The following SLC6A7 variants were observed in gnomAD, a reference collection of about 807,000 sequenced individuals.
SLC6A7 encodes the protein sodium-dependent proline transporter.
SLC6A7 carries 58 observed loss-of-function variants against 73.1 expected under a neutral mutation model. The observed-to-expected ratio is 0.79, with a 90% CI of 0.64 to 0.99. The LOEUF (loss-of-function observed/expected upper bound fraction) is 0.99, where lower values mean the gene tolerates loss of function less well. Among genes scored for constraint, SLC6A7 ranks in the 50% least tolerant of loss-of-function variants. SLC6A7 has a pLI of 0.00. For synonymous variants in SLC6A7, 338 were observed against 338.7 expected (o/e 1.00, Z 0.02); for missense variants, 783 against 831.4 (o/e 0.94, Z 0.72).
chr5:150,198,665 C>T (rs1369546856), intron 4 of SLC6A7, among the ~76,000 whole-genome samples: 1 of 152,080 alleles, frequency 6.6e-6, no homozygotes, highest in African/African-American at 2.4e-5. Context: ...ATGGAAGCCA[C>T]AGCAAAAAGT....
intron 4 of SLC6A7, among the ~76,000 whole-genome samples, chr5:150,198,113 A>AAGAG (rs756905936): frequency 1.9e-4 from 11 of 56,502 alleles, no homozygotes; most frequent in East Asian, 1.1e-3. Flanking sequence ...GAAAGAAAGA[A>AAGAG]AGAGAAAGAA....
At chr5:150,192,141 A>G (rs1752817805) in intron 1 of SLC6A7, among the ~76,000 whole-genome samples, 2 of 152,156 alleles carry the variant, frequency 1.3e-5, no homozygotes, top group South Asian at 4.2e-4. Context: ...AAGGAGCAGC[A>G]TTGCTCAGAG....
chr5:150,199,623 G>A (rs900572462), intron 5 of SLC6A7, among the ~76,000 whole-genome samples: 1 of 152,220 alleles, frequency 6.6e-6, no homozygotes, highest in African/African-American at 2.4e-5. Context: ...CTGACCCAGT[G>A]CTTGGCACTT....
chr5:150,196,266 C>A (rs1445988609), intron 2 of SLC6A7, among the ~76,000 whole-genome samples: 1 of 152,180 alleles, frequency 6.6e-6, no homozygotes, highest in Non-Finnish European at 1.5e-5. Context: ...AAAGAAGTGA[C>A]TGCCAATGTG....
chr5:150,204,088 GCCT>G, intron 10 of SLC6A7, 50 bp downstream of exon 10: 1 of 1,563,810 alleles, frequency 6.4e-7, no homozygotes. Flanking sequence ...AAGGGCAGAC[GCCT>G]GCAACGAGAT....
At position 150,209,741 on chromosome 5, in the gene SLC6A7, A is replaced by G; in HGVS notation, c.*126A>G. The G allele has an allele frequency of 1.3e-6, 1 of 776,448 alleles. No homozygotes were observed. The highest frequency in any genetic ancestry group is 2.7e-5 in the East Asian group (1 of 37,364). 48.1% of individuals were successfully genotyped at this position (776,448 alleles called of 1,614,324 possible). ...TGGGGGGGCCTGCCATAGGGATGCCAGTCCCCCAGTGGGGGTCCCTTCTGC... is the reference window on the plus strand; with the variant it reads ...TGGGGGGGCCTGCCATAGGGATGCCGGTCCCCCAGTGGGGGTCCCTTCTGC... On this transcript the variant is annotated 3_prime_UTR_variant, in exon 14 of 14. Coordinates refer to ENST00000230671, the MANE Select transcript of SLC6A7 (RefSeq NM_014228.5).
intron 2 of SLC6A7, 181 bp downstream of exon 2, chr5:150,195,092 A>G (rs1752958255): frequency 1.8e-6 from 1 of 564,876 alleles, no homozygotes; most frequent in Non-Finnish European, 3.2e-6. Context: ...TGTCCTTCTC[A>G]TCACCCAAGC....
chr5:150,201,078 T>C lies in SLC6A7; in HGVS notation c.724-11T>C, dbSNP rs367927154. 4.3e-6 allele frequency: 7 copies of C among 1,613,090 alleles called. No individual in the cohort carries two copies. The highest frequency in any genetic ancestry group is 1.3e-5 in the African/African-American group (1 of 74,960). On this transcript the variant is annotated splice_polypyrimidine_tract_variant and intron_variant, in intron 5 of 13. Transcript: ENST00000230671. ...CCCGATGCCATCAGCTCCTCACTTA[T>C]CATCTCTCAGGTGGTGTATTTCACG...
intron 1 of SLC6A7, among the ~76,000 whole-genome samples, chr5:150,190,721 G>T (rs988893685): frequency 6.6e-6 from 1 of 152,200 alleles, no homozygotes; most frequent in Non-Finnish European, 1.5e-5. Flanking sequence ...CCGGGTGTGG[G>T]GGGTATTGGA....
chr5:150,204,977 G>A, intron 12 of SLC6A7, 50 bp downstream of exon 12: 1 of 1,201,646 alleles, frequency 8.3e-7, no homozygotes, highest in Non-Finnish European at 1.2e-6. Flanking sequence ...AGAATTGAAA[G>A]CGGGAGTCCC....
chr5:150,200,882 G>T (rs1334946653), intron 5 of SLC6A7, among the ~76,000 whole-genome samples: 1 of 152,226 alleles, frequency 6.6e-6, no homozygotes, highest in Non-Finnish European at 1.5e-5. Context: ...ACCAGGGGCT[G>T]CAGTGGACAT....
chr5:150,206,383 A>G (rs1412385636), intron 13 of SLC6A7, among the ~76,000 whole-genome samples: 1 of 152,174 alleles, frequency 6.6e-6, no homozygotes, highest in African/African-American at 2.4e-5. Flanking sequence ...TTCATCCTTA[A>G]ATATTCAGGA....
intron 5 of SLC6A7, among the ~76,000 whole-genome samples, 183 bp downstream of exon 5, chr5:150,199,549 C>G (rs1047761167): frequency 6.6e-6 from 1 of 152,106 alleles, no homozygotes; most frequent in Non-Finnish European, 1.5e-5. Flanking sequence ...TGAGGACGCA[C>G]GGGGGCAAGG....
At chr5:150,192,949 T>C (rs1419704235) in intron 1 of SLC6A7, among the ~76,000 whole-genome samples, 2 of 152,118 alleles carry the variant, frequency 1.3e-5, no homozygotes, top group East Asian at 1.9e-4. Context: ...TGCTGAAGGC[T>C]GATGCTCACC....
intron 5 of SLC6A7, 35 bp downstream of exon 5, chr5:150,199,401 T>A: frequency 6.6e-7 from 1 of 1,524,540 alleles, no homozygotes; most frequent in Non-Finnish European, 9.1e-7. Context: ...CCTGAGGGGC[T>A]GGATGGGGTG....
intron 2 of SLC6A7, chr5:150,195,156 A>G (rs1171248240): frequency 2.2e-6 from 1 of 453,204 alleles, no homozygotes; most frequent in African/African-American, 1.9e-5. Flanking sequence ...TTCCCTCTCT[A>G]AGGCTGGCCA....
chr5:150,206,900 G>A (rs1018856941), intron 13 of SLC6A7, among the ~76,000 whole-genome samples: 3 of 152,130 alleles, frequency 2.0e-5, no homozygotes, highest in Non-Finnish European at 1.5e-5. Flanking sequence ...CCACCGCCCC[G>A]CTGCCCTGCT....
intron 4 of SLC6A7, 48 bp from the exon 5 acceptor site, chr5:150,199,180 G>A (rs1753237163): frequency 6.6e-7 from 1 of 1,524,870 alleles, no homozygotes; most frequent in African/African-American, 1.4e-5. Context: ...CATGTCTGTG[G>A]AGCCTGGTGG....
intron 5 of SLC6A7, among the ~76,000 whole-genome samples, chr5:150,200,228 C>T (rs555985705): frequency 6.6e-6 from 1 of 152,302 alleles, no homozygotes; most frequent in East Asian, 1.9e-4. Context: ...GGTGGTGGCT[C>T]AAGCCTGTAA....
Sources: allele counts gnomAD v4.1 joint callset (sites outside exome capture counted in the v4.1 genomes callset), GRCh38; gene constraint gnomAD v4.1.1; transcripts MANE v1.5; gene names NCBI Gene and HGNC (gene_info 2026-07-23, HGNC 2026-07-21).